The following AUTS2 variants were observed in gnomAD, a reference collection of about 807,000 sequenced individuals.
AUTS2 encodes the protein activator of transcription and developmental regulator AUTS2, also known as autism susceptibility gene 2 protein.
AUTS2 carries 17 observed loss-of-function variants against 112.4 expected under a neutral mutation model. The observed-to-expected ratio is 0.15, with a 90% CI of 0.10 to 0.23. The LOEUF (loss-of-function observed/expected upper bound fraction) is 0.23, where lower values mean the gene tolerates loss of function less well. Among genes scored for constraint, AUTS2 ranks in the 10% least tolerant of loss-of-function variants. The pLI, the probability that AUTS2 is intolerant of heterozygous loss-of-function variation, is 1.00. For missense variants in AUTS2, 1,510 were observed against 1,701.6 expected, an observed-to-expected ratio of 0.89 and a Z score of 1.98; for synonymous variants, 751 against 702.7, an observed-to-expected ratio of 1.07 and a Z score of -1.09.
At chr7:69,685,874 A>T (rs1295874056) in intron 1 of AUTS2, among the ~76,000 whole-genome samples, 1 of 152,054 alleles carries the variant, frequency 6.6e-6, no homozygotes, top group African/African-American at 2.4e-5. Flanking sequence ...TGTTGTAGAG[A>T]CTGTCTTGGA....
At chr7:69,918,077 G>A (rs1370177168) in intron 2 of AUTS2, among the ~76,000 whole-genome samples, 17 of 152,028 alleles carry the variant, frequency 1.1e-4, no homozygotes, top group African/African-American at 3.1e-4. Context: ...TCCTGACCTC[G>A]TGATCCACCT....
chr7:70,739,582 T>A, intron 6 of AUTS2, among the ~76,000 whole-genome samples: 1 of 152,056 alleles, frequency 6.6e-6, no homozygotes, highest in East Asian at 1.9e-4. Context: ...AGAGAAAAAT[T>A]GTGACCTGCC....
intron 4 of AUTS2, among the ~76,000 whole-genome samples, chr7:70,300,015 G>A (rs778767042): frequency 1.3e-5 from 2 of 152,074 alleles, no homozygotes; most frequent in Non-Finnish European, 2.9e-5. Context: ...AACACCTTAT[G>A]TGGCAGGTCA....
intron 4 of AUTS2, among the ~76,000 whole-genome samples, chr7:70,210,943 T>C (rs1810849688): frequency 6.6e-6 from 1 of 152,144 alleles, no homozygotes; most frequent in Non-Finnish European, 1.5e-5. Context: ...CTCGGGAAGC[T>C]AGAGCATTGC....
chr7:70,003,592 G>C (rs1341624419), intron 2 of AUTS2, among the ~76,000 whole-genome samples: 1 of 120,874 alleles, frequency 8.3e-6, no homozygotes, highest in East Asian at 2.3e-4. Context: ...TAATATATAT[G>C]AATATGTTAT....
At chr7:70,192,363 G>A (rs1310262529) in intron 4 of AUTS2, among the ~76,000 whole-genome samples, 1 of 152,116 alleles carries the variant, frequency 6.6e-6, no homozygotes, top group East Asian at 1.9e-4. Flanking sequence ...CTCTAATTCT[G>A]ACAAATACAA....
chr7:69,997,234 G>C (rs1475844798), intron 2 of AUTS2, among the ~76,000 whole-genome samples: 1 of 152,080 alleles, frequency 6.6e-6, no homozygotes, highest in Non-Finnish European at 1.5e-5. Flanking sequence ...AGAAGTGTGA[G>C]GTAATAATAC....
intron 1 of AUTS2, among the ~76,000 whole-genome samples, chr7:69,820,931 A>C (rs1230962023): frequency 1.3e-5 from 2 of 152,188 alleles, no homozygotes; most frequent in Non-Finnish European, 2.9e-5. Context: ...CTGTGAGTTC[A>C]TCTCTTTTAT....
chr7:69,853,486 A>G (rs1267947243), intron 1 of AUTS2, among the ~76,000 whole-genome samples: 1 of 151,908 alleles, frequency 6.6e-6, no homozygotes, highest in Non-Finnish European at 1.5e-5. Flanking sequence ...TATTTTTCAT[A>G]TTTTTACTTT....
At position 70,134,473 on chromosome 7, in the gene AUTS2, T is replaced by C. The variant is rs974495793; in HGVS notation, c.625-63T>C. On this transcript the variant is annotated intron_variant, in intron 3 of 18. Transcript: ENST00000342771. ...TGCAAAGGGCTGGTAATGAGCTGTGTGGATTGGAACGTGTTAAAAACCATT... is the reference window on the plus strand; with the variant it reads ...TGCAAAGGGCTGGTAATGAGCTGTGCGGATTGGAACGTGTTAAAAACCATT... The C allele has an allele frequency of 2.8e-5, 40 of 1,428,294 alleles. 1 individual carries two copies. In the South Asian group the frequency reaches 4.5e-4, roughly 16 times the overall value. 88.5% of individuals were successfully genotyped at this position (1,428,294 alleles called of 1,614,324 possible). A position where few individuals can be genotyped will look rare whatever the true frequency, so the allele number is the denominator to read the frequency against.
chr7:70,244,759 G>T (rs1283806458), intron 4 of AUTS2, among the ~76,000 whole-genome samples: 1 of 152,170 alleles, frequency 6.6e-6, no homozygotes, highest in Non-Finnish European at 1.5e-5. Flanking sequence ...TCGGTGAAAG[G>T]GAATGGTGCT....
chr7:70,446,956 C>T (rs1185678082), intron 5 of AUTS2, among the ~76,000 whole-genome samples: 2 of 152,182 alleles, frequency 1.3e-5, no homozygotes, highest in African/African-American at 4.8e-5. Context: ...CCAGGTGCCG[C>T]CCACAGTGGC....
At chr7:70,353,573 T>C (rs1352751454) in intron 4 of AUTS2, among the ~76,000 whole-genome samples, 1 of 152,182 alleles carries the variant, frequency 6.6e-6, no homozygotes, top group African/African-American at 2.4e-5. Flanking sequence ...ATCTTTCTCC[T>C]TCCCCATGTT....
intron 2 of AUTS2, among the ~76,000 whole-genome samples, chr7:70,092,300 A>G (rs1803962995): frequency 6.6e-6 from 1 of 152,174 alleles, no homozygotes; most frequent in Non-Finnish European, 1.5e-5. Context: ...TGCACTTGGT[A>G]TCAGAGGATA....
intron 2 of AUTS2, among the ~76,000 whole-genome samples, chr7:69,970,820 C>A (rs749742932): frequency 6.6e-6 from 1 of 152,088 alleles, no homozygotes; most frequent in Non-Finnish European, 1.5e-5. Flanking sequence ...CCTAGAGATA[C>A]AGAATTACAT....
At chr7:70,018,129 T>C (rs1297392177) in intron 2 of AUTS2, among the ~76,000 whole-genome samples, 2 of 152,146 alleles carry the variant, frequency 1.3e-5, no homozygotes, top group African/African-American at 4.8e-5. Flanking sequence ...CCACTTTAGT[T>C]GGCATATTTG....
At chr7:70,669,490 G>T (rs142769172) in intron 5 of AUTS2, among the ~76,000 whole-genome samples, 1 of 152,180 alleles carries the variant, frequency 6.6e-6, no homozygotes, top group Non-Finnish European at 1.5e-5. Context: ...AGCAGAAAGG[G>T]ACTTCAGTGC....
At position 70,393,075 on chromosome 7, in the gene AUTS2, T is replaced by C. The variant is rs550008530; in HGVS notation, c.661-42677T>C. On this transcript the variant is annotated intron_variant, in intron 4 of 18. Transcript: ENST00000342771. The stretch of plus-strand genomic sequence containing the variant: ...ACAGGAAGGGTAGTATTGATTTTGC[T>C]GGTCTGCCTGTAGGGGAGCGGGCCA... Among the ~76,000 whole-genome samples, 9 of 152,352 alleles carry C rather than the reference T, an allele frequency of 5.9e-5. No individual in the cohort carries two copies. In the South Asian group the frequency reaches 1.4e-3, roughly 25 times the overall value.
At chr7:69,634,118 G>A (rs1359863713) in intron 1 of AUTS2, among the ~76,000 whole-genome samples, 4 of 151,220 alleles carry the variant, frequency 2.6e-5, no homozygotes, top group African/African-American at 9.7e-5. Flanking sequence ...CACCAGACTT[G>A]ATTATTATTT....
Sources: allele counts gnomAD v4.1 joint callset (sites outside exome capture counted in the v4.1 genomes callset), GRCh38; gene constraint gnomAD v4.1.1; transcripts MANE v1.5; gene names NCBI Gene and HGNC (gene_info 2026-07-23, HGNC 2026-07-21).